The following NPEPPS variants were observed in gnomAD, a reference collection of about 807,000 sequenced individuals.
NPEPPS encodes the protein aminopeptidase puromycin sensitive, also known as puromycin-sensitive aminopeptidase.
In NPEPPS, 14 loss-of-function variants were observed where a neutral mutation model predicts 115.5. That is an observed-to-expected ratio of 0.12 (90% CI 0.08 to 0.19). The LOEUF is 0.19. Among genes scored for constraint, NPEPPS ranks in the 10% least tolerant of loss-of-function variants. The pLI is 1.00. For missense variants in NPEPPS, 523 were observed against 1,110.8 expected (o/e 0.47, Z 7.52); for synonymous variants, 285 against 390.6 (o/e 0.73, Z 3.19).
intron 19 of NPEPPS, among the ~76,000 whole-genome samples, chr17:47,615,581 A>G (rs1914152650): frequency 6.6e-6 from 1 of 152,082 alleles, no homozygotes; most frequent in Non-Finnish European, 1.5e-5. Flanking sequence ...AAAAAGTTAA[A>G]TTTGGGTTTA....
chr17:47,531,920 G>C (rs1907810922), intron 1 of NPEPPS, among the ~76,000 whole-genome samples: 2 of 152,208 alleles, frequency 1.3e-5, no homozygotes, highest in Non-Finnish European at 2.9e-5. Flanking sequence ...GGAGGCTGGA[G>C]GGTGTTGGGG....
intron 11 of NPEPPS, 89 bp from the exon 12 acceptor site, chr17:47,592,396 A>G: frequency 1.6e-6 from 2 of 1,282,632 alleles, no homozygotes; most frequent in East Asian, 5.1e-5. Flanking sequence ...TGAGTATTTG[A>G]GTAAATTTGT....
Position 47,619,779 on chromosome 17 carries a change from G to C in NPEPPS, c.2602G>C (p.Val868Leu), listed in dbSNP as rs777006725. 1 of 1,611,952 alleles carries C rather than the reference G, an allele frequency of 6.2e-7. No individual in the cohort carries two copies. The highest frequency in any genetic ancestry group is 8.5e-7 in the Non-Finnish European group (1 of 1,178,114). The change falls in exon 22 of 23, where the codon GTT becomes CTT. Residue 868 changes from valine to leucine, a missense_variant. By Grantham distance (32) the Val-to-Leu change is conservative. Around this residue, in one of 4 missense-constraint regions of NPEPPS, gnomAD observed 372 missense variants for 542.6 expected, o/e 0.69. Coordinates refer to ENST00000322157, the MANE Select transcript of NPEPPS (RefSeq NM_006310.4). ...GFAVDKMAGE[V>L]KAFFESHPAP... ...TGCAGTTGATAAAATGGCTGGAGAG[G>C]TTAAGGTAAGGAAAATACTGTTTAC...
At chr17:47,571,243 A>G (rs1490991723) in intron 3 of NPEPPS, among the ~76,000 whole-genome samples, 4 of 152,182 alleles carry the variant, frequency 2.6e-5, no homozygotes, top group African/African-American at 7.2e-5. Context: ...AATGATAGTT[A>G]TGTCTGGGTG....
chr17:47,523,675 G>A (rs1481762637), intron 1 of NPEPPS, among the ~76,000 whole-genome samples: 2 of 151,922 alleles, frequency 1.3e-5, no homozygotes, highest in Non-Finnish European at 1.5e-5. Context: ...TGCCTGCCTC[G>A]GCCTCCCAAA....
At chr17:47,568,831 T>A (rs1431279852) in intron 2 of NPEPPS, among the ~76,000 whole-genome samples, 1 of 151,734 alleles carries the variant, frequency 6.6e-6, no homozygotes, top group East Asian at 1.9e-4. Context: ...AGTTTTGTAT[T>A]TTTAGTAGAG....
chr17:47,615,305 T>C (rs1394762844), intron 19 of NPEPPS, among the ~76,000 whole-genome samples: 1 of 152,160 alleles, frequency 6.6e-6, no homozygotes, highest in Non-Finnish European at 1.5e-5. Flanking sequence ...CTCGAACTCC[T>C]GACCTTGTGA....
At chr17:47,563,180 CA>C (rs1259864496) in intron 2 of NPEPPS, among the ~76,000 whole-genome samples, 1 of 151,458 alleles carries the variant, frequency 6.6e-6, no homozygotes. Flanking sequence ...TACAGGCGTG[CA>C]CCACCACGCC....
At chr17:47,592,801 G>A (rs1597870411) in intron 12 of NPEPPS, 6 of 351,300 alleles carry the variant, frequency 1.7e-5, no homozygotes, top group Non-Finnish European at 2.7e-5. Flanking sequence ...TGCACAATGT[G>A]CAGGTTTGTT....
intron 1 of NPEPPS, among the ~76,000 whole-genome samples, chr17:47,535,758 G>T (rs1446939755): frequency 6.7e-6 from 1 of 148,956 alleles, no homozygotes; most frequent in Non-Finnish European, 1.5e-5. Flanking sequence ...TAATTAAAAT[G>T]AATTATAAGT....
At chr17:47,607,859 T>C (rs1913608768) in intron 17 of NPEPPS, among the ~76,000 whole-genome samples, 1 of 152,200 alleles carries the variant, frequency 6.6e-6, no homozygotes, top group Non-Finnish European at 1.5e-5. Flanking sequence ...TTTTTTCTTT[T>C]AAAGATACAG....
intron 2 of NPEPPS, among the ~76,000 whole-genome samples, chr17:47,549,916 A>C (rs1278008652): frequency 6.6e-6 from 1 of 150,884 alleles, no homozygotes; most frequent in Non-Finnish European, 1.5e-5. Flanking sequence ...AAGGCATGAA[A>C]TTGTTGCTTC....
At chr17:47,599,563 T>C in intron 13 of NPEPPS, 113 bp from the exon 14 acceptor site, 1 of 756,894 alleles carries the variant, frequency 1.3e-6, no homozygotes, top group Non-Finnish European at 2.2e-6. Context: ...AGACATTTGG[T>C]TGTGCTCGTT....
intron 9 of NPEPPS, among the ~76,000 whole-genome samples, chr17:47,589,106 A>G (rs1398110519): frequency 6.6e-6 from 1 of 150,844 alleles, no homozygotes; most frequent in Non-Finnish European, 1.5e-5. Flanking sequence ...TGTAGAGACA[A>G]GGTTTCACTG....
At chr17:47,543,327 T>A (rs1158648971) in intron 1 of NPEPPS, among the ~76,000 whole-genome samples, 2 of 151,030 alleles carry the variant, frequency 1.3e-5, no homozygotes, top group Non-Finnish European at 1.5e-5. Flanking sequence ...TTTTTTTTTT[T>A]AAATTTTTGA....
chr17:47,534,178 G>A (rs1450980577), intron 1 of NPEPPS, among the ~76,000 whole-genome samples: 1 of 151,638 alleles, frequency 6.6e-6, no homozygotes, highest in African/African-American at 2.4e-5. Flanking sequence ...TGCAAGCTCT[G>A]CCTTCCGGGT....
At chr17:47,570,476 A>C in intron 3 of NPEPPS, among the ~76,000 whole-genome samples, 1 of 152,172 alleles carries the variant, frequency 6.6e-6, no homozygotes, top group Non-Finnish European at 1.5e-5. Flanking sequence ...ATTGAATCCA[A>C]ATCCCTGAAG....
In NPEPPS at chr17:47,548,276, A is replaced by C. The variant is rs1473076316; in HGVS notation, c.340+2283A>C. ...TAAATTAGATCAAACTGCTGGAAGA[A>C]CAGATTCTTCAAATGGACTTGAGTG... On this transcript the variant is annotated intron_variant, in intron 2 of 22. Coordinates refer to ENST00000322157, the MANE Select transcript of NPEPPS (RefSeq NM_006310.4). The C allele has an allele frequency of 2.6e-5, 4 of 152,236 alleles. 1 individual carries two copies. In the East Asian group the frequency reaches 7.7e-4, roughly 29 times the overall value. 9.4% of individuals were successfully genotyped at this position (152,236 alleles called of 1,614,324 possible). A position where few individuals can be genotyped will look rare whatever the true frequency, so the allele number is the denominator to read the frequency against.
intron 2 of NPEPPS, among the ~76,000 whole-genome samples, chr17:47,554,396 CTG>C (rs1161981463): frequency 6.6e-6 from 1 of 151,718 alleles, no homozygotes; most frequent in Non-Finnish European, 1.5e-5. Flanking sequence ...GGCAGAGTCT[CTG>C]TTGCCCAGGT....
Sources: allele counts gnomAD v4.1 joint callset (sites outside exome capture counted in the v4.1 genomes callset), GRCh38; gene constraint gnomAD v4.1.1; regional missense constraint gnomAD v4.1.1; transcripts MANE v1.5; gene names NCBI Gene and HGNC (gene_info 2026-07-23, HGNC 2026-07-21).